The following ARHGAP32 variants were observed in gnomAD, a reference collection of about 807,000 sequenced individuals.
ARHGAP32 encodes Rho GTPase activating protein 32.
ARHGAP32 carries 51 observed loss-of-function variants against 186.5 expected under a neutral mutation model. The ratio of observed to expected loss-of-function variants is 0.27; its 90% CI spans 0.22 to 0.35. The LOEUF is 0.35. ARHGAP32 is among the 10% of genes least tolerant of loss of function. The pLI is 1.00. For synonymous variants in ARHGAP32, 950 were observed against 964.3 expected (o/e 0.99, Z 0.27); for missense variants, 2,186 against 2,623.5 (o/e 0.83, Z 3.64).
chr11:129,179,972 T>C (rs924095728), intron 1 of ARHGAP32, among the ~76,000 whole-genome samples: 48 of 152,078 alleles, frequency 3.2e-4, no homozygotes, highest in Non-Finnish European at 6.2e-4. Context: ...AAAGAAAACA[T>C]TTTTCTTTAT....
chr11:129,206,658 C>T lies in ARHGAP32; in HGVS notation c.-4-42231G>A, dbSNP rs377550105. On this transcript the variant is annotated intron_variant, in intron 1 of 6. Transcript: ENST00000525234. ...CATATATGGTTGAAGAAAACAGGTT[C>T]GGTATATTCTCTGACAGTCTTTATC... Among the ~76,000 whole-genome samples the T allele has an allele frequency of 2.2e-3, 340 of 152,034 alleles. 2 individuals carry two copies. The South Asian group carries it at 0.033, about 15-fold the overall frequency.
At position 129,204,349 on chromosome 11, in the gene ARHGAP32, C is replaced by T. The variant is rs539475339; in HGVS notation, c.-4-39922G>A. 3.3e-5 allele frequency among the ~76,000 whole-genome samples: 5 copies of T among 152,076 alleles called. No homozygotes were observed. The South Asian group carries it at 6.2e-4, about 19-fold the overall frequency. On this transcript the variant is annotated intron_variant, in intron 1 of 6. Transcript: ENST00000525234. ...AGAAAGCAAATGGTCTAAGTAGACT[C>T]GCCCTCAGTGACAAGTCTGGGGAGA... is the stretch of plus-strand genomic sequence containing the variant.
chr11:128,974,097 G>A (rs1194142693), intron 21 of ARHGAP32, 27 bp downstream of exon 21: 3 of 1,607,508 alleles, frequency 1.9e-6, no homozygotes, highest in Admixed American at 1.7e-5. Flanking sequence ...TTAACTTAAA[G>A]AAAGAATGGA....
At chr11:129,126,221 G>A (rs1300976942) in intron 2 of ARHGAP32, among the ~76,000 whole-genome samples, 1 of 152,136 alleles carries the variant, frequency 6.6e-6, no homozygotes, top group African/African-American at 2.4e-5. Flanking sequence ...TTAGGTTTGT[G>A]GGCCACATTA....
chr11:128,974,550 C>T lies in ARHGAP32; in HGVS notation c.2647G>A (p.Asp883Asn), dbSNP rs1361565249. ...QEKLSPFFTL[D>N]LSPTEDKSSK... ...GATTTATCTTCAGTTGGGCTCAAGTCCAGGGTAAAGAATGGACTCAGTTTC... is the reference window on the plus strand; with the variant it reads ...GATTTATCTTCAGTTGGGCTCAAGTTCAGGGTAAAGAATGGACTCAGTTTC... Residue 883 changes from aspartate to asparagine, a missense_variant, in exon 21 of 23, where the codon GAC (aspartate) becomes AAC (asparagine). Physicochemically the swap from Asp to Asn is conservative, Grantham distance 23 (BLOSUM62 1). Around this residue, in one of 5 missense-constraint regions of ARHGAP32, gnomAD observed 1,502 missense variants for 1,570.0 expected, o/e 0.96. Transcript: ENST00000682385. The T allele has an allele frequency of 1.2e-6, 2 of 1,614,032 alleles. No homozygotes were observed. Among genetic ancestry groups the T allele is most frequent in the Non-Finnish European group, 1.7e-6 (2 of 1,180,030 alleles).
chr11:129,238,730 A>G (rs1424918818), intron 1 of ARHGAP32, among the ~76,000 whole-genome samples: 1 of 149,674 alleles, frequency 6.7e-6, no homozygotes, highest in Non-Finnish European at 1.5e-5. Context: ...AAACCAACCA[A>G]TTGCATAATC....
chr11:129,238,598 T>A (rs182869775), intron 1 of ARHGAP32, among the ~76,000 whole-genome samples: 260 of 152,120 alleles, frequency 1.7e-3, no homozygotes, highest in African/African-American at 6.1e-3. Context: ...CAACTGCAAA[T>A]TGGGTGTGGT....
At chr11:129,154,593 G>A (rs1025896900) in intron 2 of ARHGAP32, among the ~76,000 whole-genome samples, 1 of 152,150 alleles carries the variant, frequency 6.6e-6, no homozygotes, top group East Asian at 1.9e-4. Flanking sequence ...ACCTGGATGG[G>A]TTTGGAGACC....
rs905259598 is a variant in ARHGAP32, at chr11:128,981,950, A to T, written c.1527-14T>A. ...AACTCCAGTGTTCTGGAAATAAAAT[A>T]CAACATATTAACAGAAAGAAACATG... On this transcript the variant is annotated splice_polypyrimidine_tract_variant and intron_variant, in intron 15 of 22. Coordinates refer to ENST00000682385, the MANE Select transcript of ARHGAP32 (RefSeq NM_001378024.1). 2 of 1,478,148 alleles carry T rather than the reference A, an allele frequency of 1.4e-6. No individual in the cohort carries two copies. The highest frequency in any genetic ancestry group is 4.5e-5 in the East Asian group (2 of 44,154). The allele number at this position is 1,478,148 out of a possible 1,614,324, so 91.6% of individuals were successfully genotyped here. A position where few individuals can be genotyped will look rare whatever the true frequency, so the allele number is the denominator to read the frequency against.
chr11:129,107,547 TTAA>T (rs1942081579), intron 5 of ARHGAP32, among the ~76,000 whole-genome samples: 1 of 152,212 alleles, frequency 6.6e-6, no homozygotes, highest in South Asian at 2.1e-4. Context: ...CATCAATGAC[TTAA>T]TGATGGCGAT....
intron 1 of ARHGAP32, among the ~76,000 whole-genome samples, chr11:129,170,210 C>CAAAA (rs145498329): frequency 8.2e-6 from 1 of 121,812 alleles, no homozygotes. Context: ...TTAATTTCTT[C>CAAAA]AAAAAAAAAA....
chr11:129,000,213 GA>G (rs1946317698), intron 11 of ARHGAP32, among the ~76,000 whole-genome samples: 1 of 151,888 alleles, frequency 6.6e-6, no homozygotes, highest in African/African-American at 2.4e-5. Context: ...ATAGATCAAG[GA>G]AAAAGGTGAG....
chr11:128,999,241 T>C (rs1451841258), intron 11 of ARHGAP32, among the ~76,000 whole-genome samples: 3 of 152,210 alleles, frequency 2.0e-5, no homozygotes, highest in Non-Finnish European at 2.9e-5. Flanking sequence ...GTCTGTCTTA[T>C]GCAGTTGTAG....
intron 1 of ARHGAP32, among the ~76,000 whole-genome samples, chr11:129,259,967 CT>C (rs2135707777): frequency 6.6e-6 from 1 of 152,254 alleles, no homozygotes; most frequent in African/African-American, 2.4e-5. Context: ...CTACTGGCAG[CT>C]TTTCCCATTC....
At chr11:129,173,634 C>T (rs192920320) in intron 1 of ARHGAP32, among the ~76,000 whole-genome samples, 5 of 152,326 alleles carry the variant, frequency 3.3e-5, no homozygotes, top group African/African-American at 1.2e-4. Context: ...ATCAAGTCGG[C>T]TTCATTCCTG....
chr11:129,146,493 A>C (rs1016674942), intron 2 of ARHGAP32, among the ~76,000 whole-genome samples: 1 of 152,136 alleles, frequency 6.6e-6, no homozygotes, highest in East Asian at 1.9e-4. Flanking sequence ...TTCTCTTCAT[A>C]ATTTTAATAT....
chr11:128,981,244 T>C (rs1275605204), intron 17 of ARHGAP32, among the ~76,000 whole-genome samples, 172 bp downstream of exon 17: 1 of 152,242 alleles, frequency 6.6e-6, no homozygotes, highest in African/African-American at 2.4e-5. Flanking sequence ...TAGTATTCAC[T>C]ATATACACAC....
intron 2 of ARHGAP32, among the ~76,000 whole-genome samples, chr11:129,147,642 C>T (rs1288516872): frequency 6.6e-6 from 1 of 152,066 alleles, no homozygotes; most frequent in Non-Finnish European, 1.5e-5. Context: ...CAAACTGTAC[C>T]CAGTGAAACA....
At chr11:128,995,675 C>CA (rs1946179819) in intron 12 of ARHGAP32, among the ~76,000 whole-genome samples, 1 of 152,116 alleles carries the variant, frequency 6.6e-6, no homozygotes, top group South Asian at 2.1e-4. Flanking sequence ...CCCACCTCTA[C>CA]AAAAAATACA....
Sources: allele counts gnomAD v4.1 joint callset (sites outside exome capture counted in the v4.1 genomes callset), GRCh38; gene constraint gnomAD v4.1.1; regional missense constraint gnomAD v4.1.1; transcripts MANE v1.5; gene names NCBI Gene and HGNC (gene_info 2026-07-23, HGNC 2026-07-21).